Variants in WDFY3 observed in about 807,000 individuals in gnomAD.
WDFY3 encodes the protein WD repeat and FYVE domain containing 3.
In WDFY3, 66 loss-of-function variants were observed where a neutral mutation model predicts 409.6. The ratio of observed to expected loss-of-function variants is 0.16; its 90% CI spans 0.13 to 0.20. WDFY3 has a LOEUF of 0.20. Ranked by LOEUF, WDFY3 falls within the 10% of genes least tolerant of loss-of-function variation. WDFY3 has a pLI of 1.00. For missense variants in WDFY3, 3,031 were observed against 4,298.1 expected (o/e 0.71, Z 8.24); for synonymous variants, 1,521 against 1,537.1 (o/e 0.99, Z 0.25).
chr4:84,801,642 G>T lies in WDFY3; in HGVS notation c.2822+8C>A. The T allele has an allele frequency of 6.2e-7, 1 of 1,602,946 alleles. No individual in the cohort carries two copies. Among genetic ancestry groups the T allele is most frequent in the Non-Finnish European group, 8.5e-7 (1 of 1,173,548 alleles). On this transcript the variant is annotated splice_region_variant and intron_variant, in intron 17 of 67. Transcript: ENST00000295888. ...TTGTGGACTATTTGAGTATGAAAGAGAACTTACCTCAACACCATGGGTTCC... is the reference window on the plus strand; with the variant it reads ...TTGTGGACTATTTGAGTATGAAAGATAACTTACCTCAACACCATGGGTTCC...
rs558202149 is a variant in WDFY3, at chr4:84,873,692, G to A, written c.-31-13070C>T. Among the ~76,000 whole-genome samples the A allele has an allele frequency of 1.3e-4, 20 of 152,030 alleles. 1 individual carries two copies. The highest frequency in any genetic ancestry group is 4.6e-4 in the African/African-American group (19 of 41,464). ...AAAAACAGAGAAAATCAATAAAACC[G>A]AATGCTTGCTCTTGGAAATGATCAG... On this transcript the variant is annotated intron_variant, in intron 3 of 67. Coordinates refer to ENST00000295888, the MANE Select transcript of WDFY3 (RefSeq NM_014991.6).
rs533310650 is a variant in WDFY3 at position 84,828,943 on chromosome 4, T to G, written c.956+61A>C. 6 of 1,455,732 alleles carry G rather than the reference T, an allele frequency of 4.1e-6. No individual in the cohort carries two copies. The East Asian group carries it at 1.4e-4, about 34-fold the overall frequency. 90.2% of individuals were successfully genotyped at this position (1,455,732 alleles called of 1,614,324 possible). On this transcript the variant is annotated intron_variant, in intron 9 of 67. Transcript: ENST00000295888. ...TCCTATAACCCCAAATCACATTGTT[T>G]TCTTTGATAAAAAAGACTGAGTAGA...
At chr4:84,808,183 C>T in intron 15 of WDFY3, 151 bp downstream of exon 15, 3 of 569,912 alleles carry the variant, frequency 5.3e-6, no homozygotes, top group Non-Finnish European at 9.2e-6. Flanking sequence ...AATCTAAAAA[C>T]ACCCCCCAAA....
intron 1 of WDFY3, among the ~76,000 whole-genome samples, chr4:84,956,268 C>A (rs936901575): frequency 6.6e-6 from 1 of 152,052 alleles, no homozygotes; most frequent in Non-Finnish European, 1.5e-5. Context: ...GATCTCCACT[C>A]GTAACACAGG....
Position 84,810,326 on chromosome 4 carries a change from G to T in WDFY3, c.1906C>A (p.Arg636=), listed in dbSNP as rs764271607. 15 of 1,593,086 alleles carry T rather than the reference G, an allele frequency of 9.4e-6. No individual in the cohort carries two copies. Among genetic ancestry groups the T allele is most frequent in the Non-Finnish European group, 1.3e-5 (15 of 1,168,976 alleles). Residue 636 remains arginine, a synonymous_variant, in exon 14 of 68, where the codon CGA becomes AGA. Transcript: ENST00000295888. ...ACTGTTCTTGAACGATGGCTTTCTC[G>T]AAGGACCGACAGGAGGGCCTACAGG... ...DILRALLSVL[R]ESHRSRTVFR... is the part of the protein sequence containing the mutation.
Position 84,702,258 on chromosome 4 carries a change from T to A in WDFY3, c.8596+95A>T, listed in dbSNP as rs974376438. 7.7e-6 allele frequency: 10 copies of A among 1,306,518 alleles called. No homozygotes were observed. In the African/African-American group the frequency reaches 1.2e-4, roughly 16 times the overall value. 80.9% of individuals were successfully genotyped at this position (1,306,518 alleles called of 1,614,324 possible). ...AAACTGTATCAAATTTTTTTCTTGT[T>A]AATGTGTGCTGCAGACAATCTTCAG... On this transcript the variant is annotated intron_variant, in intron 56 of 67. Transcript: ENST00000295888.
rs1302329138 is a variant in WDFY3, at chr4:84,831,436, A to T, written c.746T>A (p.Val249Asp). Residue 249 changes from valine (V) to aspartate (D), a missense_variant, in exon 8 of 68, where the codon GTC becomes GAC. Val to Asp is a radical substitution (Grantham distance 152). Transcript: ENST00000295888. ...ACCATGAATATACTTCACTACATTG[A>T]CACTAAGACCATGACGAGATATGGT... ...LMTISRHGLSVNVVKYIHEKE... is the reference protein window; with the variant it reads ...LMTISRHGLSDNVVKYIHEKE... 1 of 1,610,752 alleles carries T rather than the reference A, an allele frequency of 6.2e-7. No homozygotes were observed. The highest frequency in any genetic ancestry group is 1.1e-5 in the South Asian group (1 of 90,264).
intron 37 of WDFY3, 81 bp downstream of exon 37, chr4:84,743,619 G>C: frequency 9.5e-7 from 1 of 1,058,104 alleles, no homozygotes; most frequent in Non-Finnish European, 1.3e-6. Context: ...GAAAAAAGCT[G>C]ATGTTAAAAA....
intron 53 of WDFY3, among the ~76,000 whole-genome samples, chr4:84,708,656 T>A (rs1259538495): frequency 1.3e-5 from 2 of 151,458 alleles, no homozygotes; most frequent in African/African-American, 4.9e-5. Flanking sequence ...TCCTCCCACC[T>A]CAGCCTCCTG....
chr4:84,787,352 G>C (rs1349040432), intron 23 of WDFY3, 130 bp downstream of exon 23: 1 of 813,474 alleles, frequency 1.2e-6, no homozygotes, highest in Non-Finnish European at 1.9e-6. Context: ...TGAGTATCCT[G>C]CTGAAGAAGA....
Position 84,801,665 on chromosome 4 carries a change from T to C in WDFY3, c.2807A>G (p.Glu936Gly). ...MFERLASQAL[E>G]PMVLREFLRL... ...GAGAACTTACCTCAACACCATGGGTTCCAGAGCCTGAGAGGCTAATCGTTC... is the reference window on the plus strand; with the variant it reads ...GAGAACTTACCTCAACACCATGGGTCCCAGAGCCTGAGAGGCTAATCGTTC... Residue 936 changes from glutamate to glycine, a missense_variant, in exon 17 of 68, where the codon GAA becomes GGA. Transcript: ENST00000295888. 1 of 1,610,612 alleles carries C rather than the reference T, an allele frequency of 6.2e-7. No homozygotes were observed. The highest frequency in any genetic ancestry group is 8.5e-7 in the Non-Finnish European group (1 of 1,178,754).
intron 10 of WDFY3, among the ~76,000 whole-genome samples, chr4:84,822,776 A>T (rs1754270349): frequency 6.6e-6 from 1 of 152,150 alleles, no homozygotes; most frequent in Non-Finnish European, 1.5e-5. Context: ...ATTTCTTAAA[A>T]ACACAGGAAA....
chr4:84,766,326 A>T lies in WDFY3; in HGVS notation c.4896T>A (p.Leu1632=). Residue 1632 remains leucine, a synonymous_variant, in exon 31 of 68, where the codon CTT becomes CTA. Transcript: ENST00000295888. ...AGATATCCAGAAGTCTGTTCCTCAA[A>T]AGTATAAGATTAGCTGATACAAGAC... ...FGGLVSANLI[L]LRNRLLDILL... 1 of 1,603,160 alleles carries T rather than the reference A, an allele frequency of 6.2e-7. No individual in the cohort carries two copies. Among genetic ancestry groups the T allele is most frequent in the Non-Finnish European group, 8.5e-7 (1 of 1,176,800 alleles).
chr4:84,728,520 C>T (rs1475166833), intron 44 of WDFY3, among the ~76,000 whole-genome samples: 2 of 152,078 alleles, frequency 1.3e-5, no homozygotes, highest in African/African-American at 4.8e-5. Flanking sequence ...AGAGCGATAA[C>T]TTGTCTTAAA....
chr4:84,846,226 A>C (rs1012127005), intron 5 of WDFY3, among the ~76,000 whole-genome samples: 14 of 152,296 alleles, frequency 9.2e-5, no homozygotes, highest in African/African-American at 3.4e-4. Context: ...ATGTGAAATT[A>C]CACAATATGA....
In WDFY3 at chr4:84,736,533, ATAGT is replaced by A. The variant is rs145427530; in HGVS notation, c.6758-210_6758-207del. On this transcript the variant is annotated intron_variant, in intron 41 of 67. Transcript: ENST00000295888. ...CTCGCAAATTGTATTAGCTGAACTG[ATAGT>A]TGGTTGAAAGTTCACAGCTCTGTAA... is the stretch of plus-strand genomic sequence containing the variant. Among the ~76,000 whole-genome samples, 21,781 of 152,156 alleles carry A rather than the reference ATAGT, an allele frequency of 0.14. 1,732 individuals are homozygous for A. Among genetic ancestry groups the A allele is most frequent in the South Asian group, 0.28 (1,364 of 4,832 alleles).
chr4:84,906,232 T>C (rs1045579153), intron 2 of WDFY3, among the ~76,000 whole-genome samples: 1 of 152,168 alleles, frequency 6.6e-6, no homozygotes, highest in Non-Finnish European at 1.5e-5. Flanking sequence ...AAAAGATAAT[T>C]TATGATCTTC....
chr4:84,856,703 T>TA (rs1185276503), intron 4 of WDFY3, among the ~76,000 whole-genome samples: 2 of 152,122 alleles, frequency 1.3e-5, no homozygotes, highest in Admixed American at 6.6e-5. Context: ...TGCACTGAAA[T>TA]AACACTATTA....
intron 1 of WDFY3, among the ~76,000 whole-genome samples, chr4:84,943,505 G>GA (rs916389900): frequency 1.4e-4 from 21 of 146,386 alleles, no homozygotes; most frequent in East Asian, 4.0e-4. Flanking sequence ...CTCCGTCTCA[G>GA]AAAAAAAAAA....
Sources: allele counts gnomAD v4.1 joint callset (sites outside exome capture counted in the v4.1 genomes callset), GRCh38; gene constraint gnomAD v4.1.1; transcripts MANE v1.5; gene names NCBI Gene and HGNC (gene_info 2026-07-23, HGNC 2026-07-21).